FYN: variants seen among roughly 807,000 people sequenced by gnomAD.
FYN encodes the protein FYN proto-oncogene, Src family tyrosine kinase, also known as tyrosine-protein kinase Fyn.
FYN carries 10 observed loss-of-function variants against 70.2 expected under a neutral mutation model. The ratio of observed to expected loss-of-function variants is 0.14; its 90% confidence interval spans 0.09 to 0.24. The LOEUF is 0.24. Ranked by LOEUF, FYN falls within the 10% of genes least tolerant of loss-of-function variation. The probability of loss-of-function intolerance (pLI) is 1.00; values close to 1 mark genes in which losing one functional copy is unlikely to be tolerated. For synonymous variants in FYN, 236 were observed against 248.6 expected (o/e 0.95, Z 0.48); for missense variants, 319 against 673.1 (o/e 0.47, Z 5.82).
intron 2 of FYN, among the ~76,000 whole-genome samples, chr6:111,828,703 G>A (rs919005438): frequency 6.6e-6 from 1 of 152,136 alleles, no homozygotes; most frequent in South Asian, 2.1e-4. Flanking sequence ...TAGAGGAGTC[G>A]AATTTATACA....
intron 1 of FYN, among the ~76,000 whole-genome samples, chr6:111,870,963 CG>C (rs1186101816): frequency 6.6e-6 from 1 of 152,004 alleles, no homozygotes; most frequent in Non-Finnish European, 1.5e-5. Flanking sequence ...CTTTTTTTAT[CG>C]TAAAAAGTTC....
Position 111,760,993 on chromosome 6 carries a change from A to T in FYN, c.-12+19573T>A, listed in dbSNP as rs570055816. 1.2e-4 allele frequency among the ~76,000 whole-genome samples: 18 copies of T among 152,338 alleles called. No homozygotes were observed. The South Asian group carries it at 1.7e-3, about 14-fold the overall frequency. On this transcript the variant is annotated intron_variant, in intron 3 of 13. Coordinates refer to ENST00000354650, the MANE Select transcript of FYN (RefSeq NM_002037.5). The stretch of plus-strand genomic sequence containing the variant: ...AAGGTGCAACCAAATTGTATAATTT[A>T]AAAAACTCCACATCTTGGAGAGCAG...
At chr6:111,814,804 A>G (rs1317877451) in intron 2 of FYN, among the ~76,000 whole-genome samples, 3 of 152,252 alleles carry the variant, frequency 2.0e-5, no homozygotes, top group Non-Finnish European at 4.4e-5. Flanking sequence ...ATGAATTCAC[A>G]TGGAAGTTCT....
chr6:111,772,745 C>T (rs893200870), intron 3 of FYN, among the ~76,000 whole-genome samples: 10 of 148,366 alleles, frequency 6.7e-5, no homozygotes, highest in African/African-American at 2.3e-4. Flanking sequence ...TATAGCACAG[C>T]GAACTTGAAC....
intron 6 of FYN, among the ~76,000 whole-genome samples, chr6:111,706,929 T>A (rs1800118819): frequency 6.6e-6 from 1 of 151,982 alleles, no homozygotes; most frequent in African/African-American, 2.4e-5. Context: ...AACCACTGAG[T>A]ATTTGAGAGT....
At chr6:111,677,792 G>C (rs1328296271) in intron 12 of FYN, among the ~76,000 whole-genome samples, 1 of 152,144 alleles carries the variant, frequency 6.6e-6, no homozygotes, top group African/African-American at 2.4e-5. Context: ...AAAACATCAG[G>C]AGAACCGCAA....
intron 13 of FYN, among the ~76,000 whole-genome samples, chr6:111,670,930 C>T (rs1343705539): frequency 6.6e-6 from 1 of 152,192 alleles, no homozygotes; most frequent in Non-Finnish European, 1.5e-5. Flanking sequence ...TCACATACAA[C>T]AATCCATCAG....
chr6:111,847,476 T>C (rs1414161236), intron 1 of FYN, among the ~76,000 whole-genome samples: 1 of 152,222 alleles, frequency 6.6e-6, no homozygotes, highest in Non-Finnish European at 1.5e-5. Flanking sequence ...TGAATGGAAT[T>C]ATGTTTACAA....
At chr6:111,753,001 T>C (rs1464811746) in intron 3 of FYN, among the ~76,000 whole-genome samples, 1 of 152,168 alleles carries the variant, frequency 6.6e-6, no homozygotes, top group Non-Finnish European at 1.5e-5. Context: ...TTAACTTGAA[T>C]GCCCCCAAAA....
intron 10 of FYN, among the ~76,000 whole-genome samples, chr6:111,695,010 A>G (rs1225543118): frequency 6.6e-6 from 1 of 152,218 alleles, no homozygotes; most frequent in Non-Finnish European, 1.5e-5. Context: ...CCTATGAAGA[A>G]CTGCACCTCT....
intron 2 of FYN, among the ~76,000 whole-genome samples, chr6:111,788,329 G>A (rs115098252): frequency 0.012 from 1,883 of 152,308 alleles, 17 homozygotes; most frequent in Middle Eastern, 0.031. Flanking sequence ...TCATTCTGTT[G>A]CATTCAAAGG....
At position 111,730,906 on chromosome 6, in the gene FYN, GAAGGT is replaced by G. The variant is rs1363008477; in HGVS notation, c.-11-10849_-11-10845del. On this transcript the variant is annotated intron_variant, in intron 3 of 13. Transcript: ENST00000354650. ...ATTCATGACCAGCAAAGAGAAACAG[GAAGGT>G]CAGTGTCACATCTGGGCCACAGTGG... Among the ~76,000 whole-genome samples, 50 of 152,320 alleles carry G rather than the reference GAAGGT, an allele frequency of 3.3e-4. No homozygotes were observed. In the South Asian group the frequency reaches 3.3e-3, roughly 10 times the overall value.
intron 1 of FYN, among the ~76,000 whole-genome samples, chr6:111,849,334 C>T (rs2114487308): frequency 6.6e-6 from 1 of 152,328 alleles, no homozygotes; most frequent in East Asian, 1.9e-4. Context: ...AACACACAGA[C>T]AATAAATAAA....
chr6:111,861,623 C>A (rs533435842), intron 1 of FYN, among the ~76,000 whole-genome samples: 8 of 152,262 alleles, frequency 5.3e-5, no homozygotes, highest in Non-Finnish European at 8.8e-5. Flanking sequence ...TGCTCTCTAT[C>A]CCAGATACAT....
intron 5 of FYN, among the ~76,000 whole-genome samples, chr6:111,709,591 A>G (rs983181613): frequency 6.6e-6 from 1 of 152,256 alleles, no homozygotes; most frequent in Non-Finnish European, 1.5e-5. Context: ...TTACCCTATT[A>G]CAAATCCAGC....
At chr6:111,806,646 G>A (rs1017541210) in intron 2 of FYN, among the ~76,000 whole-genome samples, 1 of 152,156 alleles carries the variant, frequency 6.6e-6, no homozygotes. Context: ...TGAATGTCCC[G>A]GCCCACTATT....
At chr6:111,806,453 A>G (rs1273610755) in intron 2 of FYN, among the ~76,000 whole-genome samples, 2 of 152,194 alleles carry the variant, frequency 1.3e-5, no homozygotes, top group Non-Finnish European at 2.9e-5. Context: ...TCGGTCCAAG[A>G]TGACCCTTCA....
At chr6:111,805,747 T>C (rs1772127049) in intron 2 of FYN, among the ~76,000 whole-genome samples, 2 of 152,188 alleles carry the variant, frequency 1.3e-5, no homozygotes, top group Admixed American at 6.5e-5. Flanking sequence ...CATGCATCAC[T>C]GATCATTTAA....
At chr6:111,868,944 A>G (rs2114541518) in intron 1 of FYN, among the ~76,000 whole-genome samples, 1 of 152,358 alleles carries the variant, frequency 6.6e-6, no homozygotes, top group South Asian at 2.1e-4. Context: ...TAGACCGTGA[A>G]CTTCTGAAAA....
Sources: gnomAD v4.1 joint callset for allele counts (sites outside exome capture counted in the v4.1 genomes callset) on GRCh38, gnomAD v4.1.1 for gene constraint, MANE v1.5 for transcripts, NCBI Gene and HGNC (gene_info 2026-07-23, HGNC 2026-07-21) for gene names.